The following DSCAM variants were observed in gnomAD, a reference collection of about 807,000 sequenced individuals.
DSCAM encodes the protein DS cell adhesion molecule.
In DSCAM, 47 loss-of-function variants were observed where a neutral mutation model predicts 217.7. That is an observed-to-expected ratio of 0.22 (90% CI 0.17 to 0.28). The LOEUF (loss-of-function observed/expected upper bound fraction) is 0.28, where lower values mean the gene tolerates loss of function less well. Among genes scored for constraint, DSCAM ranks in the 10% least tolerant of loss-of-function variants. The pLI, the probability that DSCAM is intolerant of heterozygous loss-of-function variation, is 1.00. For synonymous variants in DSCAM, 1,056 were observed against 1,015.3 expected (o/e 1.04, Z -0.76); for missense variants, 2,080 against 2,618.3 (o/e 0.79, Z 4.49).
chr21:40,377,903 C>A (rs2074979536), intron 3 of DSCAM, among the ~76,000 whole-genome samples: 1 of 152,060 alleles, frequency 6.6e-6, no homozygotes, highest in African/African-American at 2.4e-5. Flanking sequence ...TACAAAGGGG[C>A]AATATTGCCT....
intron 3 of DSCAM, among the ~76,000 whole-genome samples, chr21:40,494,882 G>A: frequency 6.9e-6 from 1 of 145,452 alleles, no homozygotes; most frequent in Non-Finnish European, 1.5e-5. Flanking sequence ...AAAAAAAGAA[G>A]ACAAAATCAG....
At chr21:40,396,330 T>G (rs1050549520) in intron 3 of DSCAM, among the ~76,000 whole-genome samples, 4 of 152,178 alleles carry the variant, frequency 2.6e-5, no homozygotes, top group Admixed American at 2.6e-4. Context: ...TCACGCCAAC[T>G]TCTGAGAAAA....
At chr21:40,355,586 G>A (rs1388267563) in intron 4 of DSCAM, among the ~76,000 whole-genome samples, 1 of 152,152 alleles carries the variant, frequency 6.6e-6, no homozygotes, top group Non-Finnish European at 1.5e-5. Flanking sequence ...TTCTCACCCT[G>A]CTCTCTCTTC....
At chr21:40,106,845 T>C (rs1043280679) in intron 20 of DSCAM, among the ~76,000 whole-genome samples, 2 of 152,172 alleles carry the variant, frequency 1.3e-5, no homozygotes, top group African/African-American at 4.8e-5. Flanking sequence ...ATTGTACTTG[T>C]TTGAATCTTG....
chr21:40,233,230 A>G (rs969805720), intron 11 of DSCAM, among the ~76,000 whole-genome samples: 1 of 152,178 alleles, frequency 6.6e-6, no homozygotes, highest in African/African-American at 2.4e-5. Context: ...AGATACATAC[A>G]TAGAATAACA....
chr21:40,516,843 TAGAC>T (rs2076303512), intron 3 of DSCAM, among the ~76,000 whole-genome samples: 2 of 150,930 alleles, frequency 1.3e-5, no homozygotes, highest in African/African-American at 4.9e-5. Flanking sequence ...GTTTATTCAT[TAGAC>T]AGTAGCAAAT....
At chr21:40,759,672 C>T (rs917487105) in intron 1 of DSCAM, among the ~76,000 whole-genome samples, 5 of 152,106 alleles carry the variant, frequency 3.3e-5, no homozygotes, top group East Asian at 1.9e-4. Context: ...GCACTTGCTA[C>T]GGGAGCATGA....
At chr21:40,704,054 A>G (rs377175826) in intron 2 of DSCAM, among the ~76,000 whole-genome samples, 24 of 152,302 alleles carry the variant, frequency 1.6e-4, no homozygotes, top group African/African-American at 5.3e-4. Context: ...ATTATTAACT[A>G]AAGTCCATAG....
intron 3 of DSCAM, among the ~76,000 whole-genome samples, chr21:40,555,457 T>C (rs1487218818): frequency 1.3e-5 from 2 of 152,210 alleles, no homozygotes; most frequent in Non-Finnish European, 2.9e-5. Context: ...ACCTTCTAAA[T>C]ATCAAGATCG....
intron 32 of DSCAM, among the ~76,000 whole-genome samples, chr21:40,035,207 GAC>G (rs1316659389): frequency 1.1e-4 from 12 of 112,136 alleles, no homozygotes; most frequent in African/African-American, 4.2e-4. Context: ...CCAATTAAAA[GAC>G]ACAGTCTGGC....
In DSCAM at chr21:40,485,435, G is replaced by A. The variant is rs1402602932; in HGVS notation, c.509-116190C>T. On this transcript the variant is annotated intron_variant, in intron 3 of 32. Coordinates refer to ENST00000400454, the MANE Select transcript of DSCAM (RefSeq NM_001389.5). ...TTTTTTGTATTTTTAGTAGAGACGG[G>A]GTTTCACCGTGTTAGCCAGGATGGT... 3.3e-5 allele frequency among the ~76,000 whole-genome samples: 5 copies of A among 151,670 alleles called. No homozygotes were observed. In the East Asian group the frequency reaches 9.8e-4, roughly 30 times the overall value.
chr21:40,282,054 A>G (rs1447609880), intron 10 of DSCAM, among the ~76,000 whole-genome samples: 1 of 152,190 alleles, frequency 6.6e-6, no homozygotes, highest in Admixed American at 6.5e-5. Context: ...TAAATTATCA[A>G]ATTACTTCTT....
intron 1 of DSCAM, among the ~76,000 whole-genome samples, chr21:40,764,307 A>G (rs1211306527): frequency 6.7e-6 from 1 of 148,702 alleles, no homozygotes; most frequent in African/African-American, 2.4e-5. Context: ...CACTTCTCAA[A>G]AGAAGATATT....
chr21:40,780,241 C>G (rs946722732), intron 1 of DSCAM, among the ~76,000 whole-genome samples: 34 of 151,964 alleles, frequency 2.2e-4, no homozygotes, highest in African/African-American at 8.2e-4. Context: ...TTCTTTCTAT[C>G]AGAAGCTAAG....
intron 4 of DSCAM, among the ~76,000 whole-genome samples, chr21:40,367,993 G>A (rs1476224188): frequency 6.6e-6 from 1 of 152,074 alleles, no homozygotes; most frequent in Admixed American, 6.6e-5. Flanking sequence ...TTCCAACCCT[G>A]AGAGATACAT....
intron 3 of DSCAM, among the ~76,000 whole-genome samples, chr21:40,683,083 T>C (rs1568982713): frequency 1.3e-5 from 2 of 152,188 alleles, no homozygotes; most frequent in African/African-American, 2.4e-5. Flanking sequence ...AACCTGACCA[T>C]GCTGGCAGCC....
intron 16 of DSCAM, among the ~76,000 whole-genome samples, chr21:40,164,992 C>G (rs951286883): frequency 1.3e-5 from 2 of 152,136 alleles, no homozygotes; most frequent in African/African-American, 4.8e-5. Context: ...TGGCTATTTT[C>G]CCACCAAAAC....
At chr21:40,390,732 C>T (rs1417701796) in intron 3 of DSCAM, among the ~76,000 whole-genome samples, 1 of 152,116 alleles carries the variant, frequency 6.6e-6, no homozygotes, top group African/African-American at 2.4e-5. Context: ...CATGTTCTCT[C>T]TGTGTTTAAG....
chr21:40,360,325 G>A (rs1048016653), intron 4 of DSCAM, among the ~76,000 whole-genome samples: 5 of 151,518 alleles, frequency 3.3e-5, no homozygotes, highest in Admixed American at 2.0e-4. Flanking sequence ...TACTAGAGGC[G>A]GGGTTTCACC....
Sources: gnomAD v4.1 joint callset for allele counts (sites outside exome capture counted in the v4.1 genomes callset) on GRCh38, gnomAD v4.1.1 for gene constraint, MANE v1.5 for transcripts, NCBI Gene and HGNC (gene_info 2026-07-23, HGNC 2026-07-21) for gene names.